The following NLGN1 variants were observed in gnomAD, a reference collection of about 807,000 sequenced individuals.
NLGN1 encodes the protein neuroligin-1.
A neutral mutation model predicts 65.5 loss-of-function variants in NLGN1; 12 were observed. The ratio of observed to expected loss-of-function variants is 0.18; its 90% confidence interval spans 0.12 to 0.30. NLGN1 has a LOEUF of 0.30. Ranked by LOEUF, NLGN1 falls within the 10% of genes least tolerant of loss-of-function variation. The pLI, the probability that NLGN1 is intolerant of heterozygous loss-of-function variation, is 1.00. For missense variants in NLGN1, 750 were observed against 1,007.1 expected (o/e 0.74, Z 3.46); for synonymous variants, 350 against 359.5 (o/e 0.97, Z 0.30).
chr3:173,452,258 C>T (rs6773835), intron 2 of NLGN1, among the ~76,000 whole-genome samples: 3,418 of 151,648 alleles, frequency 0.023, 139 homozygotes, highest in African/African-American at 0.076. Flanking sequence ...TGCAGTGGCG[C>T]GATCTTGGCT....
chr3:173,853,086 C>G (rs576313763), intron 4 of NLGN1, among the ~76,000 whole-genome samples: 19 of 152,200 alleles, frequency 1.2e-4, no homozygotes, highest in Non-Finnish European at 2.8e-4. Flanking sequence ...GCACACTACT[C>G]TGTCTTTAAG....
intron 2 of NLGN1, among the ~76,000 whole-genome samples, chr3:173,512,527 G>T (rs894973702): frequency 5.9e-5 from 9 of 152,312 alleles, no homozygotes; most frequent in African/African-American, 2.2e-4. Flanking sequence ...TCTAACCTCT[G>T]CCGGCTGAGT....
intron 4 of NLGN1, among the ~76,000 whole-genome samples, chr3:173,935,717 G>C (rs151171165): frequency 6.6e-6 from 1 of 151,416 alleles, no homozygotes; most frequent in African/African-American, 2.4e-5. Flanking sequence ...CCAGAAATTA[G>C]ATTTTGGATA....
At chr3:174,105,813 A>C (rs1713647888) in intron 4 of NLGN1, among the ~76,000 whole-genome samples, 1 of 151,370 alleles carries the variant, frequency 6.6e-6, no homozygotes, top group African/African-American at 2.4e-5. Context: ...AAGACTCTTA[A>C]GGACCCATGG....
intron 4 of NLGN1, among the ~76,000 whole-genome samples, chr3:174,134,378 C>CT (rs1285353333): frequency 1.3e-5 from 2 of 152,082 alleles, no homozygotes; most frequent in Non-Finnish European, 2.9e-5. Context: ...CAATTCAACA[C>CT]TTTCATGTAC....
chr3:174,025,738 C>T (rs1370531109), intron 4 of NLGN1, among the ~76,000 whole-genome samples: 1 of 152,114 alleles, frequency 6.6e-6, no homozygotes, highest in Admixed American at 6.5e-5. Flanking sequence ...AAGCTGGAAA[C>T]ACTATGCACT....
At chr3:174,168,399 A>T (rs185249589) in intron 4 of NLGN1, among the ~76,000 whole-genome samples, 7 of 152,136 alleles carry the variant, frequency 4.6e-5, no homozygotes, top group African/African-American at 1.7e-4. Flanking sequence ...CTTCTATAAT[A>T]TTGTTTTTTA....
chr3:173,828,483 G>A (rs1721812385), intron 4 of NLGN1, among the ~76,000 whole-genome samples: 1 of 152,244 alleles, frequency 6.6e-6, no homozygotes, highest in South Asian at 2.1e-4. Context: ...TTCTATGCTA[G>A]ATACTGATCT....
At chr3:174,079,598 G>A (rs1189270590) in intron 4 of NLGN1, among the ~76,000 whole-genome samples, 3 of 152,076 alleles carry the variant, frequency 2.0e-5, no homozygotes, top group Non-Finnish European at 4.4e-5. Context: ...TGTTCATTGC[G>A]GCAATATTCA....
chr3:174,221,991 A>G (rs1193057697), intron 4 of NLGN1, among the ~76,000 whole-genome samples: 1 of 152,036 alleles, frequency 6.6e-6, no homozygotes. Flanking sequence ...TCCCATCTTA[A>G]TTTCACTAAT....
intron 4 of NLGN1, among the ~76,000 whole-genome samples, chr3:173,869,938 C>T (rs777627852): frequency 1.2e-4 from 18 of 152,224 alleles, no homozygotes; most frequent in Non-Finnish European, 2.5e-4. Context: ...ATTGAGCACA[C>T]ATTTGAAAGA....
In NLGN1 at chr3:173,439,618, A is replaced by C. The variant is rs537218508; in HGVS notation, c.-321+4540A>C. 6.6e-5 allele frequency among the ~76,000 whole-genome samples: 10 copies of C among 152,184 alleles called. No individual in the cohort carries two copies. The East Asian group carries it at 1.9e-3, about 29-fold the overall frequency. ...TGCAATAAAGCAAATATTGCAGTAA[A>C]ATGAATCACACAATTTTTTTTGTTT... On this transcript the variant is annotated intron_variant, in intron 2 of 6. Coordinates refer to ENST00000457714, the Ensembl canonical transcript of NLGN1.
intron 1 of NLGN1, among the ~76,000 whole-genome samples, chr3:173,401,982 C>T (rs1390477531): frequency 6.6e-6 from 1 of 152,098 alleles, no homozygotes; most frequent in Non-Finnish European, 1.5e-5. Flanking sequence ...CAGACGACAT[C>T]CCTTCTCTTC....
At chr3:173,877,367 C>T (rs1732336815) in intron 4 of NLGN1, among the ~76,000 whole-genome samples, 1 of 151,826 alleles carries the variant, frequency 6.6e-6, no homozygotes, top group Non-Finnish European at 1.5e-5. Context: ...TTATTCAAAA[C>T]CTTCAGAGAC....
the NLGN1 span, among the ~76,000 whole-genome samples, chr3:174,292,113 T>C: frequency 0.14 from 20,989 of 151,220 alleles, 1,980 homozygotes; most frequent in East Asian, 0.52. Flanking sequence ...GAAAGGATAT[T>C]CTGAATCAGA....
At chr3:174,224,876 A>C (rs1394555974) in intron 4 of NLGN1, among the ~76,000 whole-genome samples, 1 of 152,170 alleles carries the variant, frequency 6.6e-6, no homozygotes, top group Middle Eastern at 3.2e-3. Context: ...ATGCTGATGT[A>C]GTCCAACACA....
At chr3:173,534,757 G>A (rs1012714944) in intron 2 of NLGN1, among the ~76,000 whole-genome samples, 1 of 152,156 alleles carries the variant, frequency 6.6e-6, no homozygotes, top group African/African-American at 2.4e-5. Flanking sequence ...GGCAGAGCCA[G>A]GATTCAAATC....
intron 4 of NLGN1, among the ~76,000 whole-genome samples, chr3:174,078,252 T>G (rs79202250): frequency 0.033 from 4,956 of 152,262 alleles, 116 homozygotes; most frequent in African/African-American, 0.057. Flanking sequence ...TGTGTCAGAT[T>G]CATCCTTTTG....
rs536974676 is a variant in NLGN1 at position 173,926,551 on chromosome 3, A to G, written c.646+118719A>G. 8.5e-5 allele frequency among the ~76,000 whole-genome samples: 13 copies of G among 152,264 alleles called. No homozygotes were observed. The East Asian group carries it at 2.5e-3, about 29-fold the overall frequency. On this transcript the variant is annotated intron_variant, in intron 4 of 6. Transcript: ENST00000457714. The stretch of plus-strand genomic sequence containing the variant: ...CGGTGTATACATCCATGTATTTATC[A>G]TTCTCTACTATTTATTCAAATTCTC...
Sources: gnomAD v4.1 joint callset for allele counts (sites outside exome capture counted in the v4.1 genomes callset) on GRCh38, gnomAD v4.1.1 for gene constraint, MANE v1.5 for transcripts, NCBI Gene and HGNC (gene_info 2026-07-23, HGNC 2026-07-21) for gene names.